NAALADL2: variants seen among roughly 807,000 people sequenced by gnomAD.
NAALADL2 encodes the protein N-acetylated alpha-linked acidic dipeptidase like 2.
Under a neutral mutation model 87.2 loss-of-function variants are expected in NAALADL2, and 76 were observed. That is an observed-to-expected ratio of 0.87 (90% CI 0.72 to 1.05). NAALADL2 has a LOEUF of 1.05. Ranked by LOEUF, NAALADL2 falls within the 50% of genes least tolerant of loss-of-function variation. The probability of loss-of-function intolerance (pLI) is 0.00; values close to 1 mark genes in which losing one functional copy is unlikely to be tolerated. For synonymous variants in NAALADL2, 354 were observed against 331.0 expected, an observed-to-expected ratio of 1.07 and a Z score of -0.75; for missense variants, 1,089 against 945.8, an observed-to-expected ratio of 1.15 and a Z score of -1.99.
chr3:174,914,690 T>C (rs1452717549), intron 1 of NAALADL2, among the ~76,000 whole-genome samples: 1 of 152,170 alleles, frequency 6.6e-6, no homozygotes, highest in Non-Finnish European at 1.5e-5. Context: ...TTTTCAAATA[T>C]AGATATAATT....
At chr3:175,012,965 G>C (rs1435511530) in intron 1 of NAALADL2, among the ~76,000 whole-genome samples, 2 of 115,622 alleles carry the variant, frequency 1.7e-5, no homozygotes, top group Non-Finnish European at 3.1e-5. Flanking sequence ...CTAGATGTGT[G>C]TGTATATATA....
chr3:174,605,653 A>G (rs1578287307), intron 2 of NAALADL2, among the ~76,000 whole-genome samples: 1 of 152,300 alleles, frequency 6.6e-6, no homozygotes, highest in African/African-American at 2.4e-5. Flanking sequence ...AGGTAAACAC[A>G]GCAGCCAGGA....
At chr3:175,191,654 C>A (rs561911341) in intron 2 of NAALADL2, among the ~76,000 whole-genome samples, 1 of 152,056 alleles carries the variant, frequency 6.6e-6, no homozygotes, top group Non-Finnish European at 1.5e-5. Context: ...CTTTGCTGAG[C>A]GATAAAGTTT....
chr3:175,246,922 T>C (rs939120915), intron 3 of NAALADL2, among the ~76,000 whole-genome samples: 1 of 152,166 alleles, frequency 6.6e-6, no homozygotes, highest in African/African-American at 2.4e-5. Flanking sequence ...TAAAAGTGAT[T>C]GTTTTGCCTT....
intron 13 of NAALADL2, among the ~76,000 whole-genome samples, chr3:175,790,888 T>A (rs1038204980): frequency 6.6e-6 from 1 of 152,236 alleles, no homozygotes; most frequent in Non-Finnish European, 1.5e-5. Context: ...TAATTACACA[T>A]GTAACCAGAA....
At chr3:174,781,905 C>A (rs1292447693) in intron 3 of NAALADL2, among the ~76,000 whole-genome samples, 1 of 151,920 alleles carries the variant, frequency 6.6e-6, no homozygotes, top group Admixed American at 6.6e-5. Flanking sequence ...GGGAATGCTT[C>A]TTTCCTTTAT....
intron 1 of NAALADL2, among the ~76,000 whole-genome samples, chr3:174,863,664 A>C (rs1302310909): frequency 6.6e-6 from 1 of 151,984 alleles, no homozygotes; most frequent in East Asian, 1.9e-4. Context: ...TTGTACTCCA[A>C]CCTGTTATAC....
At chr3:174,565,641 G>C (rs1714166065) in intron 2 of NAALADL2, among the ~76,000 whole-genome samples, 1 of 152,020 alleles carries the variant, frequency 6.6e-6, no homozygotes, top group Non-Finnish European at 1.5e-5. Context: ...ACATTCATGT[G>C]CAGGTTTTTG....
chr3:174,847,021 G>A (rs1724699629), intron 3 of NAALADL2, among the ~76,000 whole-genome samples: 2 of 152,124 alleles, frequency 1.3e-5, no homozygotes, highest in Admixed American at 1.3e-4. Flanking sequence ...ATCAAACCTG[G>A]TGACTCTCTG....
intron 1 of NAALADL2, among the ~76,000 whole-genome samples, chr3:174,881,704 C>G (rs1042058220): frequency 6.6e-6 from 1 of 152,120 alleles, no homozygotes; most frequent in Non-Finnish European, 1.5e-5. Context: ...GGATGTATCC[C>G]AAGCTCCTAG....
chr3:174,708,725 T>G (rs1730349420), intron 2 of NAALADL2, among the ~76,000 whole-genome samples: 1 of 152,186 alleles, frequency 6.6e-6, no homozygotes, highest in African/African-American at 2.4e-5. Flanking sequence ...AATGACCTTT[T>G]CAGGTTTCCT....
chr3:174,533,130 C>T (rs866237981), intron 1 of NAALADL2, among the ~76,000 whole-genome samples: 1 of 100,008 alleles, frequency 1.0e-5, no homozygotes, highest in Admixed American at 1.2e-4. Flanking sequence ...GTTTAGCCAA[C>T]CGGGATTAGT....
At chr3:175,687,723 A>C (rs563444312) in intron 11 of NAALADL2, among the ~76,000 whole-genome samples, 2 of 152,194 alleles carry the variant, frequency 1.3e-5, no homozygotes, top group South Asian at 4.1e-4. Context: ...AGGTGTTTAG[A>C]TTGTGGGAGT....
At chr3:175,339,861 G>T (rs1395886024) in intron 5 of NAALADL2, among the ~76,000 whole-genome samples, 1 of 152,056 alleles carries the variant, frequency 6.6e-6, no homozygotes, top group Non-Finnish European at 1.5e-5. Flanking sequence ...GTGTAAAAAG[G>T]CTCAAAACTA....
intron 11 of NAALADL2, among the ~76,000 whole-genome samples, chr3:175,692,811 T>C (rs1160069829): frequency 6.6e-6 from 1 of 152,300 alleles, no homozygotes; most frequent in East Asian, 1.9e-4. Context: ...TGATTTTTTT[T>C]CCATCAGTCT....
At chr3:174,482,099 A>G (rs1334819041) in intron 1 of NAALADL2, among the ~76,000 whole-genome samples, 1 of 152,080 alleles carries the variant, frequency 6.6e-6, no homozygotes, top group African/African-American at 2.4e-5. Flanking sequence ...CATACCTGCT[A>G]TATTAACTCT....
intron 3 of NAALADL2, among the ~76,000 whole-genome samples, chr3:174,776,830 A>G (rs575400485): frequency 6.6e-6 from 1 of 152,264 alleles, no homozygotes; most frequent in Admixed American, 6.5e-5. Flanking sequence ...CATGCATGAC[A>G]AAGCTGCATT....
intron 10 of NAALADL2, among the ~76,000 whole-genome samples, chr3:175,599,765 C>T (rs904881662): frequency 6.6e-6 from 1 of 152,018 alleles, no homozygotes; most frequent in Non-Finnish European, 1.5e-5. Context: ...TTTCTTTGAC[C>T]AAAATGGTAT....
chr3:175,616,677 C>T (rs1297551757), intron 10 of NAALADL2, among the ~76,000 whole-genome samples: 3 of 152,108 alleles, frequency 2.0e-5, no homozygotes, highest in African/African-American at 7.2e-5. Flanking sequence ...CTGCTCAACC[C>T]AGCAGGCTGC....
Sources: gnomAD v4.1 joint callset for allele counts (sites outside exome capture counted in the v4.1 genomes callset) on GRCh38, gnomAD v4.1.1 for gene constraint, MANE v1.5 for transcripts, NCBI Gene and HGNC (gene_info 2026-07-23, HGNC 2026-07-21) for gene names.